The following ADAMTSL1 variants were observed in gnomAD, a reference collection of about 807,000 sequenced individuals.
ADAMTSL1 encodes ADAMTS like 1, also known as ADAMTS-like protein 1.
A neutral mutation model predicts 201.8 loss-of-function variants in ADAMTSL1; 126 were observed. The ratio of observed to expected loss-of-function variants is 0.62; its 90% confidence interval spans 0.54 to 0.72. ADAMTSL1 has a LOEUF of 0.72. Among genes scored for constraint, ADAMTSL1 ranks in the 30% least tolerant of loss-of-function variants. The pLI, the probability that ADAMTSL1 is intolerant of heterozygous loss-of-function variation, is 0.00. For missense variants in ADAMTSL1, 2,679 were observed against 2,277.8 expected (o/e 1.18, Z -3.59); for synonymous variants, 1,121 against 903.4 (o/e 1.24, Z -4.32).
chr9:18,487,192 A>G (rs1346789777), intron 1 of ADAMTSL1, among the ~76,000 whole-genome samples: 1 of 152,256 alleles, frequency 6.6e-6, no homozygotes, highest in Non-Finnish European at 1.5e-5. Flanking sequence ...AAGTGAGTTA[A>G]ATGTCACATA....
At chr9:18,862,226 G>C (rs925839976) in intron 23 of ADAMTSL1, among the ~76,000 whole-genome samples, 2 of 152,170 alleles carry the variant, frequency 1.3e-5, no homozygotes, top group Admixed American at 1.3e-4. Context: ...GTGAGCGAAG[G>C]TTCTTTTTTT....
In ADAMTSL1 at chr9:18,910,699, T is replaced by A. The variant is rs1160924346; in HGVS notation, c.*2151T>A. The A allele has an allele frequency of 3.3e-5, 5 of 152,226 alleles. No individual in the cohort carries two copies. Among genetic ancestry groups the A allele is most frequent in the Admixed American group, 1.3e-4 (2 of 15,286 alleles). The allele number at this position is 152,226 out of a possible 1,614,324, so 9.4% of individuals were successfully genotyped here. The stretch of plus-strand genomic sequence containing the variant: ...TACATTTCCTAAAGAGCAAGCATCC[T>A]CCAGCTCCATGTTGGGTTGGAGCAG... On this transcript the variant is annotated 3_prime_UTR_variant, in exon 29 of 29. Coordinates refer to ENST00000380548, the MANE Select transcript of ADAMTSL1 (RefSeq NM_001040272.6).
At chr9:18,672,564 T>A (rs1829888952) in intron 9 of ADAMTSL1, among the ~76,000 whole-genome samples, 3 of 152,214 alleles carry the variant, frequency 2.0e-5, no homozygotes, top group African/African-American at 7.2e-5. Context: ...CACACATATG[T>A]AAGTTATGAA....
At chr9:18,253,255 A>T (rs1831537393) in intron 2 of ADAMTSL1, among the ~76,000 whole-genome samples, 5 of 152,188 alleles carry the variant, frequency 3.3e-5, no homozygotes, top group Admixed American at 3.3e-4. Context: ...AGAAGGATGA[A>T]CATCGGATGT....
chr9:18,749,766 T>C (rs1746475724), intron 15 of ADAMTSL1, among the ~76,000 whole-genome samples: 1 of 152,226 alleles, frequency 6.6e-6, no homozygotes, highest in African/African-American at 2.4e-5. Context: ...CAATATTTTT[T>C]ACCCAGAATC....
chr9:17,972,156 AAT>A (rs1298981122), intron 1 of ADAMTSL1, among the ~76,000 whole-genome samples: 4 of 145,434 alleles, frequency 2.8e-5, no homozygotes, highest in African/African-American at 5.1e-5. Context: ...CTTTTTTTTA[AAT>A]TTTTTTATTT....
intron 21 of ADAMTSL1, among the ~76,000 whole-genome samples, chr9:18,819,228 G>A (rs151090780): frequency 0.016 from 2,416 of 152,150 alleles, 34 homozygotes; most frequent in Non-Finnish European, 0.022. Context: ...GGCCAAGGTG[G>A]GTGGATCACC....
At chr9:18,128,367 T>A (rs1825820680) in intron 1 of ADAMTSL1, among the ~76,000 whole-genome samples, 1 of 151,362 alleles carries the variant, frequency 6.6e-6, no homozygotes, top group African/African-American at 2.5e-5. Context: ...TGCACAATAA[T>A]TTTTTTTCCC....
intron 2 of ADAMTSL1, among the ~76,000 whole-genome samples, chr9:18,521,894 A>G (rs1254172529): frequency 6.6e-6 from 1 of 152,160 alleles, no homozygotes; most frequent in Non-Finnish European, 1.5e-5. Context: ...TTGTCATCTA[A>G]CTCCTCTTTC....
chr9:18,381,954 TA>T (rs1837578057), intron 2 of ADAMTSL1, among the ~76,000 whole-genome samples: 1 of 152,200 alleles, frequency 6.6e-6, no homozygotes, highest in Non-Finnish European at 1.5e-5. Flanking sequence ...CCCTAGCATG[TA>T]AAATACTGTT....
intron 2 of ADAMTSL1, among the ~76,000 whole-genome samples, chr9:18,442,430 T>G (rs2133458832): frequency 1.3e-5 from 2 of 152,350 alleles, no homozygotes; most frequent in East Asian, 3.9e-4. Flanking sequence ...GTATCTTCTA[T>G]GCAGACTTTC....
At chr9:18,701,980 A>G (rs997718929) in intron 13 of ADAMTSL1, among the ~76,000 whole-genome samples, 1 of 152,246 alleles carries the variant, frequency 6.6e-6, no homozygotes, top group African/African-American at 2.4e-5. Flanking sequence ...TTGGACTTAC[A>G]GTTCCATGTG....
chr9:18,343,436 A>G (rs4961638), intron 2 of ADAMTSL1, among the ~76,000 whole-genome samples: 92,708 of 151,880 alleles, frequency 0.61, 28,618 homozygotes, highest in Admixed American at 0.72. Context: ...AGTGAGTATC[A>G]GTTACAAGCA....
At chr9:18,294,661 G>A (rs1021583388) in intron 2 of ADAMTSL1, among the ~76,000 whole-genome samples, 1 of 152,190 alleles carries the variant, frequency 6.6e-6, no homozygotes, top group Non-Finnish European at 1.5e-5. Flanking sequence ...TCTAAGGAAA[G>A]CTCTCAGTCT....
intron 1 of ADAMTSL1, among the ~76,000 whole-genome samples, chr9:18,156,606 A>G (rs987424308): frequency 6.7e-5 from 10 of 150,032 alleles, no homozygotes; most frequent in Admixed American, 2.0e-4. Flanking sequence ...AGTATTTTAC[A>G]TGTAAGATTT....
chr9:18,667,601 G>A (rs1264595275), intron 9 of ADAMTSL1, among the ~76,000 whole-genome samples: 2 of 152,120 alleles, frequency 1.3e-5, no homozygotes, highest in Admixed American at 6.6e-5. Context: ...GGAATACATG[G>A]CATAATACAT....
intron 2 of ADAMTSL1, among the ~76,000 whole-genome samples, chr9:18,176,184 A>G (rs1461689366): frequency 6.6e-6 from 1 of 152,060 alleles, no homozygotes; most frequent in Non-Finnish European, 1.5e-5. Flanking sequence ...CTATTTTGCA[A>G]CTTTACTTAT....
At chr9:18,852,289 C>G (rs555164993) in intron 23 of ADAMTSL1, among the ~76,000 whole-genome samples, 26 of 152,196 alleles carry the variant, frequency 1.7e-4, no homozygotes, top group Non-Finnish European at 3.1e-4. Context: ...CTGCATATAC[C>G]TCCAGGGTTT....
intron 1 of ADAMTSL1, among the ~76,000 whole-genome samples, chr9:18,501,043 T>C (rs968979912): frequency 2.0e-5 from 3 of 152,234 alleles, no homozygotes; most frequent in African/African-American, 4.8e-5. Context: ...TTGGCTGGCC[T>C]GTATAGAAGA....
Sources: gnomAD v4.1 joint callset for allele counts (sites outside exome capture counted in the v4.1 genomes callset) on GRCh38, gnomAD v4.1.1 for gene constraint, MANE v1.5 for transcripts, NCBI Gene and HGNC (gene_info 2026-07-23, HGNC 2026-07-21) for gene names.